MIER1: variants seen among roughly 807,000 people sequenced by gnomAD.
The protein encoded by MIER1 is mesoderm induction early response protein 1.
Under a neutral mutation model 75.7 loss-of-function variants are expected in MIER1, and 40 were observed. The observed-to-expected ratio is 0.53, with a 90% CI of 0.41 to 0.69. The LOEUF is 0.69. MIER1 is among the 30% of genes least tolerant of loss of function. MIER1 has a pLI of 0.00. For missense variants in MIER1, 574 were observed against 680.2 expected, an observed-to-expected ratio of 0.84 and a Z score of 1.74; for synonymous variants, 213 against 223.4, an observed-to-expected ratio of 0.95 and a Z score of 0.42.
intron 13 of MIER1, among the ~76,000 whole-genome samples, chr1:66,982,549 TTTGA>T (rs532019260): frequency 4.7e-4 from 72 of 152,306 alleles, no homozygotes; most frequent in Admixed American, 2.4e-3. Flanking sequence ...AGAGAATTAT[TTTGA>T]TTTCTTCTTT....
chr1:66,985,616 CCTTT>C lies in MIER1; in HGVS notation c.*720_*723del, dbSNP rs1163090735. On this transcript the variant is annotated 3_prime_UTR_variant, in exon 14 of 14. Transcript: ENST00000401041. ...AGTACATATGTCTTGACTGAGCTGTCCTTTCTTAATACAAAAGCGTGTATAATTT... is the reference window on the plus strand; with the variant it reads ...AGTACATATGTCTTGACTGAGCTGTCCTTAATACAAAAGCGTGTATAATTT... 4.1e-6 allele frequency: 4 copies of C among 984,992 alleles called. No homozygotes were observed. Among genetic ancestry groups the C allele is most frequent in the East Asian group, 1.1e-4 (1 of 8,966 alleles). The allele number at this position is 984,992 out of a possible 1,614,324, so 61.0% of individuals were successfully genotyped here.
At chr1:66,970,701 C>A in intron 8 of MIER1, 107 bp from the exon 9 acceptor site, 1 of 761,432 alleles carries the variant, frequency 1.3e-6, no homozygotes, top group Non-Finnish European at 2.0e-6. Flanking sequence ...CCACACTGTA[C>A]CTCAGTTCTC....
intron 4 of MIER1, among the ~76,000 whole-genome samples, chr1:66,954,015 G>T (rs1352486980): frequency 2.6e-5 from 4 of 152,198 alleles, no homozygotes. Flanking sequence ...ATATGAAAGT[G>T]TAGTTGGGTA....
chr1:66,969,571 A>T (rs985691548), intron 8 of MIER1, among the ~76,000 whole-genome samples: 5 of 147,988 alleles, frequency 3.4e-5, no homozygotes. Flanking sequence ...AAAAAAAAAA[A>T]AAAATCATTG....
At chr1:66,952,766 CT>C (rs1166287553) in intron 4 of MIER1, among the ~76,000 whole-genome samples, 1 of 152,160 alleles carries the variant, frequency 6.6e-6, no homozygotes, top group African/African-American at 2.4e-5. Context: ...CTCAGCCCCC[CT>C]AGTAGCTGGG....
chr1:66,928,388 G>A (rs1302656993), intron 2 of MIER1, among the ~76,000 whole-genome samples: 1 of 152,134 alleles, frequency 6.6e-6, no homozygotes, highest in Non-Finnish European at 1.5e-5. Flanking sequence ...AAGATTCAGT[G>A]TACTTAAGCA....
intron 3 of MIER1, among the ~76,000 whole-genome samples, 170 bp from the exon 4 acceptor site, chr1:66,945,980 C>T (rs970777920): frequency 2.6e-5 from 4 of 152,184 alleles, no homozygotes; most frequent in African/African-American, 9.6e-5. Flanking sequence ...AAACATTTTC[C>T]TTCCATTTTT....
At chr1:66,964,187 T>G (rs188986837) in intron 8 of MIER1, among the ~76,000 whole-genome samples, 174 of 150,830 alleles carry the variant, frequency 1.2e-3, no homozygotes, top group African/African-American at 4.0e-3. Flanking sequence ...TTCTCCTGCC[T>G]CAGCCTCCTG....
intron 2 of MIER1, among the ~76,000 whole-genome samples, chr1:66,928,624 A>C (rs1361238070): frequency 6.6e-6 from 1 of 152,174 alleles, no homozygotes; most frequent in Admixed American, 6.5e-5. Context: ...ATTGAAAACT[A>C]TTTGGATATG....
Position 66,988,332 on chromosome 1 carries a change from CTTCT to C in MIER1, c.*3435_*3438del, listed in dbSNP as rs1667039820. On this transcript the variant is annotated 3_prime_UTR_variant, in exon 14 of 14. Coordinates refer to ENST00000401041, the MANE Select transcript of MIER1 (RefSeq NM_001077700.3). ...ACTTTTTACCGTAAAAATTAACTCT[CTTCT>C]TTAATATCAAGTTCATCCTTTGCAG... 1 of 152,306 alleles carries C rather than the reference CTTCT, an allele frequency of 6.6e-6. No homozygotes were observed. The highest frequency in any genetic ancestry group is 2.4e-5 in the African/African-American group (1 of 41,444). The allele number at this position is 152,306 out of a possible 1,614,324, so 9.4% of individuals were successfully genotyped here. A position where few individuals can be genotyped will look rare whatever the true frequency, so the allele number is the denominator to read the frequency against.
chr1:66,956,023 GC>G (rs1255650187), intron 4 of MIER1, among the ~76,000 whole-genome samples: 2 of 152,196 alleles, frequency 1.3e-5, no homozygotes, highest in African/African-American at 4.8e-5. Context: ...TGTTGACACT[GC>G]TTTCATGGTT....
intron 2 of MIER1, among the ~76,000 whole-genome samples, chr1:66,938,507 A>G (rs1655447381): frequency 6.6e-6 from 1 of 152,210 alleles, no homozygotes; most frequent in South Asian, 2.1e-4. Flanking sequence ...AAGTGGATTA[A>G]TATTTTAAAA....
intron 7 of MIER1, among the ~76,000 whole-genome samples, chr1:66,962,471 G>A (rs979148564): frequency 2.0e-5 from 3 of 152,080 alleles, no homozygotes; most frequent in Non-Finnish European, 4.4e-5. Flanking sequence ...ACTGAGTCCT[G>A]TCCCCAGAGT....
intron 8 of MIER1, among the ~76,000 whole-genome samples, chr1:66,963,801 A>G (rs913048257): frequency 1.3e-5 from 2 of 151,924 alleles, no homozygotes; most frequent in African/African-American, 4.8e-5. Context: ...CCAGCTACTC[A>G]GGAGGCTGAG....
intron 1 of MIER1, 119 bp from the exon 2 acceptor site, chr1:66,926,023 C>G: frequency 2.9e-6 from 2 of 690,860 alleles, no homozygotes; most frequent in Non-Finnish European, 5.0e-6. Context: ...CTAAAATTGT[C>G]ATGGGATCCT....
rs1666948551 is a variant in MIER1 at position 66,987,684 on chromosome 1, G to A, written c.*2784G>A. 7.5e-6 allele frequency: 1 copy of A among 134,062 alleles called. No homozygotes were observed. Among genetic ancestry groups the A allele is most frequent in the Non-Finnish European group, 1.6e-5 (1 of 63,226 alleles). The allele number at this position is 134,062 out of a possible 1,614,324, so 8.3% of individuals were successfully genotyped here. A position where few individuals can be genotyped will look rare whatever the true frequency, so the allele number is the denominator to read the frequency against. On this transcript the variant is annotated 3_prime_UTR_variant, in exon 14 of 14. Transcript: ENST00000401041. ...TAAACATATTTGCCTACATAATACT[G>A]TGTGAATATTTTCATTAGATTAATT...
rs987817280 is a variant in MIER1 at position 66,988,344 on chromosome 1, C to G, written c.*3444C>G. 2.0e-5 allele frequency: 3 copies of G among 152,112 alleles called. No individual in the cohort carries two copies. Among genetic ancestry groups the G allele is most frequent in the Admixed American group, 2.0e-4 (3 of 15,270 alleles). 9.4% of individuals were successfully genotyped at this position (152,112 alleles called of 1,614,324 possible). ...AAAAATTAACTCTCTTCTTTAATAT[C>G]AAGTTCATCCTTTGCAGAATCTTAA... On this transcript the variant is annotated 3_prime_UTR_variant, in exon 14 of 14. Coordinates refer to ENST00000401041, the MANE Select transcript of MIER1 (RefSeq NM_001077700.3).
intron 13 of MIER1, 139 bp downstream of exon 13, chr1:66,982,057 A>G (rs1665996678): frequency 1.3e-6 from 1 of 767,016 alleles, no homozygotes; most frequent in Non-Finnish European, 2.1e-6. Flanking sequence ...CAAACATAAC[A>G]TCAGCATACA....
intron 2 of MIER1, among the ~76,000 whole-genome samples, chr1:66,932,280 T>C (rs1653613262): frequency 6.6e-6 from 1 of 152,226 alleles, no homozygotes; most frequent in South Asian, 2.1e-4. Flanking sequence ...TGGGAACGCA[T>C]GGATTGTTCA....
Sources: gnomAD v4.1 joint callset for allele counts (sites outside exome capture counted in the v4.1 genomes callset) on GRCh38, gnomAD v4.1.1 for gene constraint, MANE v1.5 for transcripts, NCBI Gene and HGNC (gene_info 2026-07-23, HGNC 2026-07-21) for gene names.